CRYBG1: variants seen among roughly 807,000 people sequenced by gnomAD.
CRYBG1 encodes crystallin beta-gamma domain containing 1.
CRYBG1 carries 139 observed loss-of-function variants against 189.2 expected under a neutral mutation model. That is an observed-to-expected ratio of 0.73 (90% CI 0.64 to 0.85). The LOEUF (loss-of-function observed/expected upper bound fraction) is 0.85. CRYBG1 is among the 40% of genes least tolerant of loss of function. CRYBG1 has a pLI of 0.00. For missense variants in CRYBG1, 2,611 were observed against 2,675.8 expected (o/e 0.98, Z 0.53); for synonymous variants, 1,023 against 1,017.1 (o/e 1.01, Z -0.11).
chr6:106,414,751 AGT>A (rs1429084060), intron 1 of CRYBG1, among the ~76,000 whole-genome samples: 4 of 152,204 alleles, frequency 2.6e-5, no homozygotes, highest in Non-Finnish European at 5.9e-5. Context: ...ACTTTGCAGA[AGT>A]GGAGGAGGTG....
At chr6:106,427,074 T>C (rs1430547465) in intron 1 of CRYBG1, among the ~76,000 whole-genome samples, 2 of 152,166 alleles carry the variant, frequency 1.3e-5, no homozygotes, top group Non-Finnish European at 2.9e-5. Flanking sequence ...ATTCCTCCTC[T>C]TCCCAACTTT....
At chr6:106,553,905 A>G (rs1007680697) in intron 16 of CRYBG1, among the ~76,000 whole-genome samples, 6 of 152,196 alleles carry the variant, frequency 3.9e-5, no homozygotes, top group African/African-American at 1.4e-4. Flanking sequence ...GGCACTCTGC[A>G]TTAACAGGAA....
chr6:106,568,650 G>A lies in CRYBG1; in HGVS notation c.*84G>A, dbSNP rs1774965594. On this transcript the variant is annotated 3_prime_UTR_variant, in exon 22 of 22. Transcript: ENST00000633556. ...GACAATGCTGATGGAAGACCAGACTGGAAAGTGGATCGACTCCTCCTTCAT... is the reference window on the plus strand; with the variant it reads ...GACAATGCTGATGGAAGACCAGACTAGAAAGTGGATCGACTCCTCCTTCAT... 2 of 982,372 alleles carry A rather than the reference G, an allele frequency of 2.0e-6. No homozygotes were observed. Among genetic ancestry groups the A allele is most frequent in the South Asian group, 1.4e-5 (1 of 69,158 alleles). 60.9% of individuals were successfully genotyped at this position (982,372 alleles called of 1,614,324 possible). A position where few individuals can be genotyped will look rare whatever the true frequency, so the allele number is the denominator to read the frequency against.
chr6:106,467,471 CA>C (rs1772138160), intron 2 of CRYBG1, among the ~76,000 whole-genome samples: 2 of 150,174 alleles, frequency 1.3e-5, no homozygotes, highest in South Asian at 4.2e-4. Context: ...GACCCTGTCT[CA>C]AAGAAAAGAA....
chr6:106,560,895 G>A lies in CRYBG1; in HGVS notation c.5948G>A (p.Arg1983His), dbSNP rs774649943. The A allele has an allele frequency of 1.3e-5, 21 of 1,611,596 alleles. No homozygotes were observed. Among genetic ancestry groups the A allele is most frequent in the South Asian group, 6.6e-5 (6 of 90,706 alleles). Residue 1983 changes from arginine (R) to histidine (H), a missense_variant, in exon 19 of 22, where the codon CGC becomes CAC. Arg to His is a conservative substitution (Grantham distance 29). This residue lies in a region of CRYBG1 where 1,622 missense variants were observed against 1,735.0 expected (regional missense o/e 0.93). Coordinates refer to ENST00000633556, the MANE Select transcript of CRYBG1 (RefSeq NM_001371242.2). Reference sequence around the variant, plus strand: ...AATTGGTATGAATTCAGTGGCTGTCGCCAAATAGGTTCTCTACGACCTTTT... The same window carrying A: ...AATTGGTATGAATTCAGTGGCTGTCACCAAATAGGTTCTCTACGACCTTTT... ...VPNWYEFSGC[R>H]QIGSLRPFVQ... is the part of the protein sequence containing the mutation.
intron 1 of CRYBG1, among the ~76,000 whole-genome samples, chr6:106,363,414 G>A (rs1484668996): frequency 6.6e-6 from 1 of 152,116 alleles, no homozygotes; most frequent in African/African-American, 2.4e-5. Context: ...TCTTTGGGAT[G>A]TTTTTCTAGT....
At chr6:106,431,158 G>A (rs1013766159) in intron 1 of CRYBG1, among the ~76,000 whole-genome samples, 3 of 152,062 alleles carry the variant, frequency 2.0e-5, no homozygotes, top group East Asian at 1.9e-4. Flanking sequence ...CACCACACCC[G>A]GCGTAGGGAC....
intron 1 of CRYBG1, among the ~76,000 whole-genome samples, chr6:106,444,229 T>C (rs1188018945): frequency 6.6e-6 from 1 of 152,222 alleles, no homozygotes; most frequent in African/African-American, 2.4e-5. Context: ...TTGAATTGCC[T>C]TAAAAGGAAA....
At chr6:106,389,127 T>G (rs1429907126) in intron 1 of CRYBG1, among the ~76,000 whole-genome samples, 1 of 152,186 alleles carries the variant, frequency 6.6e-6, no homozygotes, top group Admixed American at 6.5e-5. Flanking sequence ...GTTTCCTCTG[T>G]GACTTTTTAT....
Position 106,571,798 on chromosome 6 carries a change from C to A in CRYBG1, c.*3232C>A. On this transcript the variant is annotated 3_prime_UTR_variant, in exon 22 of 22. Coordinates refer to ENST00000633556, the MANE Select transcript of CRYBG1 (RefSeq NM_001371242.2). ...AGCTTGAAAAAACTTCGAATTTCTA[C>A]TGACTACAGACAAATCCAAGTGCTG... 6.3e-6 allele frequency: 3 copies of A among 473,534 alleles called. No individual in the cohort carries two copies. Among genetic ancestry groups the A allele is most frequent in the Non-Finnish European group, 7.6e-6 (2 of 264,488 alleles). The allele number at this position is 473,534 out of a possible 1,614,324, so 29.3% of individuals were successfully genotyped here. A position where few individuals can be genotyped will look rare whatever the true frequency, so the allele number is the denominator to read the frequency against.
chr6:106,435,797 A>G (rs1471199615), intron 1 of CRYBG1, among the ~76,000 whole-genome samples: 1 of 151,892 alleles, frequency 6.6e-6, no homozygotes, highest in East Asian at 1.9e-4. Flanking sequence ...GCTGGTCTCT[A>G]ATTCTTGACC....
chr6:106,382,287 CA>C (rs1465516729), intron 1 of CRYBG1, among the ~76,000 whole-genome samples: 1 of 152,002 alleles, frequency 6.6e-6, no homozygotes, highest in Non-Finnish European at 1.5e-5. Context: ...ATGCAAAGGG[CA>C]AAACTACACG....
intron 17 of CRYBG1, among the ~76,000 whole-genome samples, chr6:106,556,582 T>C (rs1661339443): frequency 6.6e-6 from 1 of 152,208 alleles, no homozygotes; most frequent in Non-Finnish European, 1.5e-5. Context: ...CAGAAGTCTT[T>C]CAGTTTGATG....
At chr6:106,423,039 A>G (rs1302150355) in intron 1 of CRYBG1, among the ~76,000 whole-genome samples, 1 of 152,222 alleles carries the variant, frequency 6.6e-6, no homozygotes, top group East Asian at 1.9e-4. Context: ...GGAGGATATC[A>G]GACCACCATT....
intron 4 of CRYBG1, among the ~76,000 whole-genome samples, chr6:106,523,044 AG>A: frequency 6.6e-6 from 1 of 152,216 alleles, no homozygotes. Flanking sequence ...AGAAAGTAGA[AG>A]TGCACACTGC....
At chr6:106,543,118 T>C (rs1774173889) in intron 10 of CRYBG1, among the ~76,000 whole-genome samples, 1 of 151,300 alleles carries the variant, frequency 6.6e-6, no homozygotes, top group African/African-American at 2.4e-5. Context: ...CTTAACCCTC[T>C]GCCTCCTGAG....
intron 1 of CRYBG1, among the ~76,000 whole-genome samples, chr6:106,432,840 CTTTTTTT>C (rs5878888): frequency 2.3e-5 from 3 of 128,882 alleles, no homozygotes. Flanking sequence ...TCTTTTCTTT[CTTTTTTT>C]TTTTTTTTTT....
intron 1 of CRYBG1, among the ~76,000 whole-genome samples, chr6:106,444,824 A>G (rs1008468210): frequency 6.6e-6 from 1 of 152,128 alleles, no homozygotes; most frequent in Non-Finnish European, 1.5e-5. Flanking sequence ...ATATTGGGAG[A>G]TGGCTCCCAG....
chr6:106,483,492 G>A (rs900554960), intron 2 of CRYBG1, among the ~76,000 whole-genome samples: 2 of 151,430 alleles, frequency 1.3e-5, no homozygotes, highest in African/African-American at 4.8e-5. Flanking sequence ...ATAAACATGG[G>A]AGTGCAGATA....
Sources: allele counts gnomAD v4.1 joint callset (sites outside exome capture counted in the v4.1 genomes callset), GRCh38; gene constraint gnomAD v4.1.1; regional missense constraint gnomAD v4.1.1; transcripts MANE v1.5; gene names NCBI Gene and HGNC (gene_info 2026-07-23, HGNC 2026-07-21).